The following EPS15L1 variants were observed in gnomAD, a reference collection of about 807,000 sequenced individuals.
The protein encoded by EPS15L1 is epidermal growth factor receptor substrate 15-like 1.
EPS15L1 carries 43 observed loss-of-function variants against 117.1 expected under a neutral mutation model. The observed-to-expected ratio is 0.37, with a 90% CI of 0.29 to 0.47. The LOEUF (loss-of-function observed/expected upper bound fraction) is 0.47, where lower values mean the gene tolerates loss of function less well. EPS15L1 is among the 20% of genes least tolerant of loss of function. The pLI is 0.99. For missense variants in EPS15L1, 981 were observed against 1,164.0 expected (o/e 0.84, Z 2.29); for synonymous variants, 459 against 470.5 (o/e 0.98, Z 0.32).
chr19:16,404,720 T>C lies in EPS15L1; in HGVS notation c.1296A>G (p.Thr432=). ...QELQNDLDRE[T]SSLQELEAQK... is the part of the protein sequence containing the mutation. ...GAGCCTCGAGCTCCTGCAAACTGCT[T>C]GTTTCCCGGTCTAGGTCATTTTGTA... is the stretch of plus-strand genomic sequence containing the variant. The change falls in exon 14 of 24, where the codon ACA becomes ACG. Residue 432 remains threonine (T), a synonymous_variant. Transcript: ENST00000455140. The surrounding 1 kb of genome is among the most constrained non-coding windows in gnomAD (Gnocchi z 4.2). 2 of 1,614,216 alleles carry C rather than the reference T, an allele frequency of 1.2e-6. No individual in the cohort carries two copies. The highest frequency in any genetic ancestry group is 1.7e-6 in the Non-Finnish European group (2 of 1,180,032).
Position 16,377,171 on chromosome 19 carries a change from A to G in EPS15L1, c.2331T>C (p.Pro777=). 6.2e-7 allele frequency: 1 copy of G among 1,611,746 alleles called. No individual in the cohort carries two copies. ...GAGCAGGTTTCTTCGGAGGCAGAGC[A>G]GGAGTGTCCTGTTTACTTTTAAAGG... ...DDPFKSKQDT[P]ALPPKKPAPP... is the part of the protein sequence containing the mutation. Residue 777 remains proline (P), a synonymous_variant, in exon 22 of 24, where the codon CCT becomes CCC. Transcript: ENST00000455140.
At chr19:16,436,000 A>G (rs904249497) in intron 6 of EPS15L1, among the ~76,000 whole-genome samples, 4 of 152,216 alleles carry the variant, frequency 2.6e-5, no homozygotes, top group Admixed American at 2.6e-4. Context: ...CAAAGTCCAC[A>G]CAATGCGCTG....
At chr19:16,430,374 A>G (rs73511139) in intron 7 of EPS15L1, among the ~76,000 whole-genome samples, 24,920 of 152,156 alleles carry the variant, frequency 0.16, 2,125 homozygotes, top group Admixed American at 0.19. Context: ...CGCCCTGTCC[A>G]CAGTAGGACC....
intron 12 of EPS15L1, among the ~76,000 whole-genome samples, chr19:16,417,161 C>T (rs1364830433): frequency 1.3e-5 from 2 of 152,098 alleles, no homozygotes; most frequent in African/African-American, 4.8e-5. Context: ...CTGCCTGGGA[C>T]AACACAGCTG....
At chr19:16,382,109 G>A (rs1202610546) in intron 21 of EPS15L1, among the ~76,000 whole-genome samples, 1 of 152,212 alleles carries the variant, frequency 6.6e-6, no homozygotes, top group Non-Finnish European at 1.5e-5. Context: ...GCTGACCGGG[G>A]ACACCTCGGG....
intron 11 of EPS15L1, 108 bp downstream of exon 11, chr19:16,417,840 C>T: frequency 6.8e-7 from 1 of 1,460,214 alleles, no homozygotes; most frequent in East Asian, 2.3e-5. Context: ...AGGCAGGGAC[C>T]ACAGGCAGCA....
chr19:16,392,483 A>T, intron 18 of EPS15L1, 43 bp from the exon 19 acceptor site: 5 of 1,571,484 alleles, frequency 3.2e-6, no homozygotes, highest in Non-Finnish European at 4.4e-6. Context: ...ATACCAAGTG[A>T]AAGAACCCAG....
chr19:16,398,126 G>A lies in EPS15L1; in HGVS notation c.1792-2659C>T, dbSNP rs569553094. ...CCACCCTGGGGCAGCCAACTTAGGG[G>A]TGCAGGACAGTTATGAGAGGTACAG... On this transcript the variant is annotated intron_variant, in intron 16 of 23. Transcript: ENST00000455140. Among the ~76,000 whole-genome samples the A allele has an allele frequency of 1.1e-3, 167 of 152,312 alleles. 2 individuals carry two copies. In the Middle Eastern group the frequency reaches 0.024, roughly 22 times the overall value.
intron 1 of EPS15L1, chr19:16,443,368 C>T (rs965457291): frequency 2.0e-5 from 3 of 152,192 alleles, no homozygotes; most frequent in Admixed American, 1.3e-4. Context: ...CCAATACGCA[C>T]CCACCACTTG....
rs561068871 is a variant in EPS15L1 at position 16,370,313 on chromosome 19, C to T, written c.2380+6809G>A. Reference sequence around the variant, plus strand: ...GAAAGATGAGGGGCCATGTTCACCCCGCCAGAAAAGCAGGGAGGCGGTGCC... The same window carrying T: ...GAAAGATGAGGGGCCATGTTCACCCTGCCAGAAAAGCAGGGAGGCGGTGCC... On this transcript the variant is annotated intron_variant, in intron 22 of 23. Coordinates refer to ENST00000455140, the MANE Select transcript of EPS15L1 (RefSeq NM_001258374.3). This position sits in a 1 kb window ranked among gnomAD's most constrained non-coding sequence, Gnocchi z 5.2. 4.6e-5 allele frequency among the ~76,000 whole-genome samples: 7 copies of T among 152,280 alleles called. No individual in the cohort carries two copies. Among genetic ancestry groups the T allele is most frequent in the East Asian group, 1.9e-4 (1 of 5,174 alleles).
rs142320391 is a variant in EPS15L1 at position 16,404,617 on chromosome 19, G to A, written c.1399C>T (p.Arg467Trp). 29 of 1,614,144 alleles carry A rather than the reference G, an allele frequency of 1.8e-5. No individual in the cohort carries two copies. In the African/African-American group the frequency reaches 2.1e-4, roughly 12 times the overall value. Residue 467 changes from arginine (R) to tryptophan (W), a missense_variant, in exon 14 of 24, where the codon CGG becomes TGG. Around this residue, in one of 5 missense-constraint regions of EPS15L1, gnomAD observed 819 missense variants for 949.0 expected, o/e 0.86. Transcript: ENST00000455140. The surrounding 1 kb of genome is among the most constrained non-coding windows in gnomAD (Gnocchi z 4.2). ...AKLRDMLSDV[R>W]QKCQDETQMI... The stretch of plus-strand genomic sequence containing the variant: ...TGAGTCTCATCCTGGCACTTCTGCC[G>A]GACGTCGCTCAGCATGTCTCGGAGC...
rs1304695593 is a variant in EPS15L1, at chr19:16,355,659, C to G, written c.*46G>C. ...TATATAGACATCTGCACTGCCCCCT[C>G]TCTGGAACCCGCCCGTGCCCTGTCC... is the stretch of plus-strand genomic sequence containing the variant. On this transcript the variant is annotated 3_prime_UTR_variant, in exon 24 of 24. Transcript: ENST00000455140. 6.6e-7 allele frequency: 1 copy of G among 1,523,626 alleles called. No individual in the cohort carries two copies. The highest frequency in any genetic ancestry group is 2.0e-5 in the Admixed American group (1 of 50,510). The allele number at this position is 1,523,626 out of a possible 1,614,324, so 94.4% of individuals were successfully genotyped here.
intron 22 of EPS15L1, 33 bp from the exon 23 acceptor site, chr19:16,362,017 A>G: frequency 1.3e-6 from 2 of 1,557,146 alleles, no homozygotes; most frequent in Non-Finnish European, 8.7e-7. Flanking sequence ...AAAAGGAGAA[A>G]GAAAGAAATA....
chr19:16,451,385 G>A (rs747999971), intron 1 of EPS15L1, among the ~76,000 whole-genome samples: 14 of 152,164 alleles, frequency 9.2e-5, no homozygotes, highest in Non-Finnish European at 1.6e-4. Context: ...TGTGAATATG[G>A]TCTTGTTATC....
intron 1 of EPS15L1, among the ~76,000 whole-genome samples, chr19:16,448,187 G>A (rs79897354): frequency 0.015 from 2,295 of 152,252 alleles, 24 homozygotes; most frequent in Non-Finnish European, 0.02. Flanking sequence ...CCAAAAGCCC[G>A]ATTCACAAAA....
At position 16,381,625 on chromosome 19, in the gene EPS15L1, G is replaced by A. The variant is rs1405394198; in HGVS notation, c.2247+3504C>T. Among the ~76,000 whole-genome samples the A allele has an allele frequency of 1.3e-5, 2 of 152,224 alleles. No homozygotes were observed. Among genetic ancestry groups the A allele is most frequent in the East Asian group, 3.8e-4 (2 of 5,200 alleles). ...CAATGATCACACCAAGTACGAAGCT[G>A]CGATTGGAATCTGGGAGTGCCCCCA... On this transcript the variant is annotated intron_variant, in intron 21 of 23. Transcript: ENST00000455140. This position sits in a 1 kb window ranked among gnomAD's most constrained non-coding sequence, Gnocchi z 4.2.
At chr19:16,452,840 A>T (rs141616063) in intron 1 of EPS15L1, among the ~76,000 whole-genome samples, 11 of 151,890 alleles carry the variant, frequency 7.2e-5, no homozygotes, top group African/African-American at 2.4e-4. Flanking sequence ...TCTGTCCCCC[A>T]AGCTGGAGCG....
At chr19:16,421,592 C>A in intron 9 of EPS15L1, 116 bp from the exon 10 acceptor site, 1 of 1,108,360 alleles carries the variant, frequency 9.0e-7, no homozygotes, top group Non-Finnish European at 1.3e-6. Context: ...ATCAAACTCT[C>A]CTCACTTCCA....
chr19:16,400,607 T>C, intron 16 of EPS15L1: 5 of 978,996 alleles, frequency 5.1e-6, no homozygotes, highest in Non-Finnish European at 6.1e-6. Flanking sequence ...AAGTATTTAT[T>C]AAGAAATAGA....
Sources: gnomAD v4.1 joint callset for allele counts (sites outside exome capture counted in the v4.1 genomes callset) on GRCh38, gnomAD v4.1.1 for gene constraint, gnomAD v4.1.1 regional missense constraint, Gnocchi (gnomAD v3.1) non-coding constraint, MANE v1.5 for transcripts, NCBI Gene and HGNC (gene_info 2026-07-23, HGNC 2026-07-21) for gene names.